The following PCDHGA2 variants were observed in gnomAD, a reference collection of about 807,000 sequenced individuals.
PCDHGA2 encodes the protein protocadherin gamma-A2.
A neutral mutation model predicts 59.2 loss-of-function variants in PCDHGA2; 40 were observed. The observed-to-expected ratio is 0.68, with a 90% CI of 0.52 to 0.88. The LOEUF is 0.88. Ranked by LOEUF, PCDHGA2 falls within the 40% of genes least tolerant of loss-of-function variation. The probability of loss-of-function intolerance (pLI) is 0.00; values close to 1 mark genes in which losing one functional copy is unlikely to be tolerated. For missense variants in PCDHGA2, 1,226 were observed against 1,204.0 expected (o/e 1.02, Z -0.27); for synonymous variants, 560 against 526.0 (o/e 1.06, Z -0.89).
At chr5:141,407,370 A>G (rs1434825695) in intron 1 of PCDHGA2, among the ~76,000 whole-genome samples, 2 of 152,228 alleles carry the variant, frequency 1.3e-5, no homozygotes, top group Non-Finnish European at 2.9e-5. Flanking sequence ...ACAGATATCC[A>G]TGAAGGCTTG....
At chr5:141,467,185 TG>T (rs1295935271) in intron 1 of PCDHGA2, among the ~76,000 whole-genome samples, 1 of 152,004 alleles carries the variant, frequency 6.6e-6, no homozygotes, top group African/African-American at 2.4e-5. Context: ...CCCAAGTAGC[TG>T]GGATTACAGG....
intron 2 of PCDHGA2, among the ~76,000 whole-genome samples, chr5:141,497,332 A>G (rs537994715): frequency 6.6e-6 from 1 of 152,024 alleles, no homozygotes; most frequent in Non-Finnish European, 1.5e-5. Context: ...AGAATTCACC[A>G]TTGAACCTGG....
At chr5:141,390,632 A>G in intron 1 of PCDHGA2, 1 of 240,428 alleles carries the variant, frequency 4.2e-6, no homozygotes, top group Admixed American at 5.1e-5. Context: ...ATATATGATG[A>G]ATACTTTTTT....
chr5:141,366,872 A>C (rs1764836796), intron 1 of PCDHGA2: 2 of 1,396,140 alleles, frequency 1.4e-6, no homozygotes, highest in Admixed American at 2.4e-5. Flanking sequence ...GCTGTATTGG[A>C]GATTAATTTT....
At chr5:141,417,875 G>C (rs2096176700) in intron 1 of PCDHGA2, 2 of 1,556,360 alleles carry the variant, frequency 1.3e-6, no homozygotes, top group Non-Finnish European at 1.7e-6. Context: ...AGGGAGCTGC[G>C]CGCAGAGGCG....
chr5:141,427,199 A>G (rs900332017), intron 1 of PCDHGA2: 5 of 456,766 alleles, frequency 1.1e-5, no homozygotes, highest in Non-Finnish European at 2.2e-5. Context: ...AAGACTTAAT[A>G]GACTTCGAAT....
intron 1 of PCDHGA2, among the ~76,000 whole-genome samples, chr5:141,437,360 G>T (rs1432098876): frequency 6.6e-6 from 1 of 152,144 alleles, no homozygotes; most frequent in Non-Finnish European, 1.5e-5. Context: ...ACCTAAAATT[G>T]GAATGTAATC....
chr5:141,396,790 C>G (rs2093435054), intron 1 of PCDHGA2, among the ~76,000 whole-genome samples: 2 of 152,128 alleles, frequency 1.3e-5, no homozygotes. Flanking sequence ...AGGACATTTC[C>G]TAAGGATTGT....
rs778246278 is a variant in PCDHGA2 at position 141,491,522 on chromosome 5, A to C, written c.2425-3285A>C. The C allele has an allele frequency of 6.2e-6, 10 of 1,614,024 alleles. No individual in the cohort carries two copies. The highest frequency in any genetic ancestry group is 8.5e-6 in the Non-Finnish European group (10 of 1,180,002). ...TCGGACGGCACGCTCAAGTACATGGAGGTGACGCTGCGGCCCACAGACTCG... is the reference window on the plus strand; with the variant it reads ...TCGGACGGCACGCTCAAGTACATGGCGGTGACGCTGCGGCCCACAGACTCG... On this transcript the variant is annotated intron_variant, in intron 1 of 3. Coordinates refer to ENST00000394576, the MANE Select transcript of PCDHGA2 (RefSeq NM_018915.4). The surrounding 1 kb of genome is among the most constrained non-coding windows in gnomAD (Gnocchi z 6.9).
At chr5:141,458,820 C>T (rs2098954225) in intron 1 of PCDHGA2, among the ~76,000 whole-genome samples, 1 of 152,070 alleles carries the variant, frequency 6.6e-6, no homozygotes, top group African/African-American at 2.4e-5. Flanking sequence ...GCAACCTCTG[C>T]CTCCCAGGCT....
intron 1 of PCDHGA2, among the ~76,000 whole-genome samples, chr5:141,481,300 GA>G (rs998363845): frequency 3.3e-5 from 5 of 152,248 alleles, no homozygotes; most frequent in African/African-American, 1.2e-4. Context: ...TCATCTAAGG[GA>G]AAAACCTTCC....
At position 141,405,406 on chromosome 5, in the gene PCDHGA2, T is replaced by C. The variant is rs750140674; in HGVS notation, c.2424+64011T>C. On this transcript the variant is annotated intron_variant, in intron 1 of 3. Coordinates refer to ENST00000394576, the MANE Select transcript of PCDHGA2 (RefSeq NM_018915.4). ...GTTCATTTTTTTTCTTTCTTTCTTTTCTTTTTTTGTTTTTTGTTTTGTTTT... is the reference window on the plus strand; with the variant it reads ...GTTCATTTTTTTTCTTTCTTTCTTTCCTTTTTTTGTTTTTTGTTTTGTTTT... 1.2e-5 allele frequency: 19 copies of C among 1,584,070 alleles called. No individual in the cohort carries two copies. The Admixed American group carries it at 1.2e-4, about 10-fold the overall frequency.
At chr5:141,384,011 T>C in intron 1 of PCDHGA2, 1 of 1,613,766 alleles carries the variant, frequency 6.2e-7, no homozygotes, top group Non-Finnish European at 8.5e-7. Context: ...CTTTTCTACC[T>C]ACAAGACAGA....
chr5:141,410,671 C>G (rs771368781), intron 1 of PCDHGA2: 1 of 1,563,260 alleles, frequency 6.4e-7, no homozygotes, highest in South Asian at 1.2e-5. Context: ...ACTAGTTTCT[C>G]ATATTTTAGG....
At chr5:141,360,311 G>C (rs578188210) in intron 1 of PCDHGA2, 5 of 1,613,818 alleles carry the variant, frequency 3.1e-6, no homozygotes, top group Non-Finnish European at 4.2e-6. Context: ...CTCAGCGTCC[G>C]GGACTTGCCA....
At position 141,431,262 on chromosome 5, in the gene PCDHGA2, A is replaced by G. The variant is rs371663018; in HGVS notation, c.2425-63545A>G. The stretch of plus-strand genomic sequence containing the variant: ...CCGGATATCGGGAAGAACTCTCTGC[A>G]GAGCTACGAGCTCAGCCCGAACACT... On this transcript the variant is annotated intron_variant, in intron 1 of 3. Coordinates refer to ENST00000394576, the MANE Select transcript of PCDHGA2 (RefSeq NM_018915.4). The surrounding 1 kb of genome is among the most constrained non-coding windows in gnomAD (Gnocchi z 4.8). The G allele has an allele frequency of 2.6e-5, 42 of 1,614,184 alleles. No homozygotes were observed. In the African/African-American group the frequency reaches 2.7e-4, roughly 10 times the overall value.
intron 1 of PCDHGA2, among the ~76,000 whole-genome samples, chr5:141,454,596 G>C (rs1184158084): frequency 1.3e-5 from 2 of 151,324 alleles, no homozygotes; most frequent in Non-Finnish European, 2.9e-5. Flanking sequence ...AGTAGAGACA[G>C]GGTTTCTCCA....
chr5:141,416,791 G>C (rs1389798483), intron 1 of PCDHGA2: 1 of 152,166 alleles, frequency 6.6e-6, no homozygotes, highest in Non-Finnish European at 1.5e-5. Flanking sequence ...TCTACTAAAT[G>C]TGGTAGTATA....
chr5:141,409,988 G>A (rs373071156), intron 1 of PCDHGA2: 43 of 1,613,160 alleles, frequency 2.7e-5, no homozygotes, highest in African/African-American at 5.3e-5. Context: ...AGCGGTGGAC[G>A]CCGACTCGGG....
Sources: allele counts gnomAD v4.1 joint callset (sites outside exome capture counted in the v4.1 genomes callset), GRCh38; gene constraint gnomAD v4.1.1; non-coding constraint Gnocchi (gnomAD v3.1); transcripts MANE v1.5; gene names NCBI Gene and HGNC (gene_info 2026-07-23, HGNC 2026-07-21).